DDX50: variants seen among roughly 807,000 people sequenced by gnomAD.
DDX50 encodes ATP-dependent RNA helicase DDX50.
In DDX50, 56 loss-of-function variants were observed where a neutral mutation model predicts 94.8. That is an observed-to-expected ratio of 0.59 (90% CI 0.48 to 0.74). The LOEUF (loss-of-function observed/expected upper bound fraction) is 0.74. DDX50 is among the 30% of genes least tolerant of loss of function. The probability of loss-of-function intolerance (pLI) is 0.00; values close to 1 mark genes in which losing one functional copy is unlikely to be tolerated. For synonymous variants in DDX50, 264 were observed against 295.4 expected, an observed-to-expected ratio of 0.89 and a Z score of 1.09; for missense variants, 713 against 881.2, an observed-to-expected ratio of 0.81 and a Z score of 2.42.
Position 68,941,043 on chromosome 10 carries a change from G to T in DDX50, c.1756-17G>T. On this transcript the variant is annotated splice_polypyrimidine_tract_variant and intron_variant, in intron 12 of 14. Transcript: ENST00000373585. ...GCTGATTTATTTCCAAACATAATGTGGTTTTTATTCCTTAAGGGGTTTGTG... is the reference window on the plus strand; with the variant it reads ...GCTGATTTATTTCCAAACATAATGTTGTTTTTATTCCTTAAGGGGTTTGTG... 6.3e-7 allele frequency: 1 copy of T among 1,594,332 alleles called. No homozygotes were observed. Among genetic ancestry groups the T allele is most frequent in the South Asian group, 1.1e-5 (1 of 87,370 alleles).
chr10:68,920,027 A>C, intron 8 of DDX50, 46 bp downstream of exon 8: 3 of 1,607,324 alleles, frequency 1.9e-6, no homozygotes, highest in Middle Eastern at 1.7e-4. Context: ...TATGGGGATG[A>C]ATCACTGAAC....
At chr10:68,931,409 A>AG in intron 8 of DDX50, among the ~76,000 whole-genome samples, 1 of 72,852 alleles carries the variant, frequency 1.4e-5, no homozygotes, top group African/African-American at 4.8e-5. Context: ...ATATATATAT[A>AG]TGTATATATA....
chr10:68,902,277 A>G (rs887273609), intron 1 of DDX50, among the ~76,000 whole-genome samples: 4 of 152,026 alleles, frequency 2.6e-5, no homozygotes, highest in Admixed American at 6.6e-5. Context: ...CCCAGGTAAA[A>G]TTATTACTGG....
intron 1 of DDX50, 37 bp downstream of exon 1, chr10:68,901,508 C>A: frequency 3.2e-6 from 5 of 1,543,034 alleles, no homozygotes; most frequent in Non-Finnish European, 4.4e-6. Context: ...TTTTGGGCTG[C>A]GCCGGCTTGG....
At chr10:68,906,460 C>CTT (rs1841447432) in intron 1 of DDX50, 1 of 348,706 alleles carries the variant, frequency 2.9e-6, no homozygotes, top group Non-Finnish European at 5.1e-6. Flanking sequence ...TTTAATTTTC[C>CTT]TTAAATCTTA....
At chr10:68,944,976 AC>A (rs1317928214) in intron 14 of DDX50, among the ~76,000 whole-genome samples, 2 of 152,004 alleles carry the variant, frequency 1.3e-5, no homozygotes, top group South Asian at 2.1e-4. Flanking sequence ...AGCCACAGTT[AC>A]TTATTTTTAA....
At chr10:68,917,907 C>G (rs929767725) in intron 7 of DDX50, among the ~76,000 whole-genome samples, 3 of 151,428 alleles carry the variant, frequency 2.0e-5, no homozygotes, top group African/African-American at 7.3e-5. Context: ...CTGGCCTCCC[C>G]GTAAGTATTT....
Position 68,934,178 on chromosome 10 carries a change from T to G in DDX50, c.1240-21T>G. On this transcript the variant is annotated intron_variant, in intron 8 of 14. Coordinates refer to ENST00000373585, the MANE Select transcript of DDX50 (RefSeq NM_024045.2). This position sits in a 1 kb window ranked among gnomAD's most constrained non-coding sequence, Gnocchi z 4.0. ...GCAAGTATGAGCTGTACACTTAATT[T>G]TCTCCCCCTTTCTCAAATAGAATGC... 6.2e-7 allele frequency: 1 copy of G among 1,606,714 alleles called. No individual in the cohort carries two copies. The highest frequency in any genetic ancestry group is 8.5e-7 in the Non-Finnish European group (1 of 1,177,246).
intron 7 of DDX50, among the ~76,000 whole-genome samples, chr10:68,914,440 G>C (rs116512456): frequency 0.013 from 1,960 of 152,268 alleles, 58 homozygotes; most frequent in African/African-American, 0.045. Context: ...AGCAGCCATA[G>C]AGACAGATTT....
Position 68,910,341 on chromosome 10 carries a change from C to T in DDX50, c.419C>T (p.Ser140Phe), listed in dbSNP as rs1044387137. The change falls in exon 3 of 15, where the codon TCC (serine) becomes TTC (phenylalanine). Residue 140 changes from serine (S) to phenylalanine (F), a missense_variant. Ser to Phe is a radical substitution (Grantham distance 155, BLOSUM62 -2). Around this residue, in one of 2 missense-constraint regions of DDX50, gnomAD observed 285 missense variants for 278.9 expected, o/e 1.02. Coordinates refer to ENST00000373585, the MANE Select transcript of DDX50 (RefSeq NM_024045.2). The stretch of plus-strand genomic sequence containing the variant: ...CGTGAACAGAAAGAAGGAGCCTTCT[C>T]CAATTTTCCTATTTCTGAAGAGACT... ...LTREQKEGAF[S>F]NFPISEETIK... 1 of 1,606,850 alleles carries T rather than the reference C, an allele frequency of 6.2e-7. No individual in the cohort carries two copies. Among genetic ancestry groups the T allele is most frequent in the Admixed American group, 1.8e-5 (1 of 56,860 alleles).
chr10:68,927,591 T>C (rs1589262926), intron 8 of DDX50, among the ~76,000 whole-genome samples: 1 of 152,212 alleles, frequency 6.6e-6, no homozygotes, highest in African/African-American at 2.4e-5. Context: ...TACGTACATA[T>C]ATTGTCCTGC....
chr10:68,906,040 C>A (rs935746978), intron 1 of DDX50, among the ~76,000 whole-genome samples: 1 of 152,136 alleles, frequency 6.6e-6, no homozygotes, highest in Non-Finnish European at 1.5e-5. Flanking sequence ...GGTAGCACCC[C>A]GGTAGGGTTT....
intron 13 of DDX50, among the ~76,000 whole-genome samples, chr10:68,942,929 C>T (rs777919798): frequency 2.6e-5 from 4 of 151,998 alleles, no homozygotes; most frequent in African/African-American, 4.8e-5. Flanking sequence ...CCCATTGTAG[C>T]TCTTTGTAAA....
chr10:68,945,896 T>C (rs1842659011), intron 14 of DDX50, among the ~76,000 whole-genome samples: 2 of 152,278 alleles, frequency 1.3e-5, no homozygotes, highest in East Asian at 1.9e-4. Context: ...TAGTGCTGTT[T>C]TAGAATGTAG....
intron 1 of DDX50, among the ~76,000 whole-genome samples, chr10:68,902,149 A>G (rs1841306062): frequency 6.9e-6 from 1 of 145,588 alleles, no homozygotes; most frequent in Non-Finnish European, 1.5e-5. Flanking sequence ...AGGAGCCTGT[A>G]GAGGAGTTGT....
Position 68,906,841 on chromosome 10 carries a change from A to G in DDX50, c.218A>G (p.Asp73Gly). Residue 73 changes from aspartate (D) to glycine (G), a missense_variant, in exon 2 of 15, where the codon GAC (aspartate) becomes GGC (glycine). By Grantham distance (94) the Asp-to-Gly change is moderately conservative. Transcript: ENST00000373585. ...AAAATGAAAGAGAAGCTAAATGGAG[A>G]CACTGAAGAAGGATTTAATAGACTT... ...KSKMKEKLNG[D>G]TEEGFNRLSD... 2 of 1,613,816 alleles carry G rather than the reference A, an allele frequency of 1.2e-6. No individual in the cohort carries two copies. Among genetic ancestry groups the G allele is most frequent in the Non-Finnish European group, 1.7e-6 (2 of 1,179,968 alleles).
intron 3 of DDX50, 80 bp downstream of exon 3, chr10:68,910,462 G>GCACCATCAC: frequency 8.5e-7 from 1 of 1,181,522 alleles, no homozygotes. Flanking sequence ...GAGTGCAGTG[G>GCACCATCAC]GGCAGTCTTG....
At position 68,936,998 on chromosome 10, in the gene DDX50, TAGAAG is replaced by T; in HGVS notation, c.1663_1667del (p.Glu555ArgfsTer20). 1 of 1,612,242 alleles carries T rather than the reference TAGAAG, an allele frequency of 6.2e-7. No homozygotes were observed. Among genetic ancestry groups the T allele is most frequent in the South Asian group, 1.1e-5 (1 of 90,956 alleles). On this transcript the variant is annotated frameshift_variant, in exon 12 of 15. Transcript: ENST00000373585. LOFTEE classifies it high-confidence loss of function. ...TTCCGACCATCAGCTCAGAGACTGA[TAGAAG>T]AGAAAGGTGCAGTGGATGCATTGGC...
At chr10:68,945,488 G>C (rs1293471237) in intron 14 of DDX50, among the ~76,000 whole-genome samples, 1 of 152,030 alleles carries the variant, frequency 6.6e-6, no homozygotes, top group East Asian at 1.9e-4. Context: ...TGTATTTCTA[G>C]TAGAGTTGGA....
Sources: gnomAD v4.1 joint callset for allele counts (sites outside exome capture counted in the v4.1 genomes callset) on GRCh38, gnomAD v4.1.1 for gene constraint, gnomAD v4.1.1 regional missense constraint, Gnocchi (gnomAD v3.1) non-coding constraint, MANE v1.5 for transcripts, NCBI Gene and HGNC (gene_info 2026-07-23, HGNC 2026-07-21) for gene names.